The following VTI1A variants were observed in gnomAD, a reference collection of about 807,000 sequenced individuals.
VTI1A encodes the protein vesicle transport through interaction with t-SNAREs 1A, also known as vesicle transport through interaction with t-SNAREs homolog 1A.
Under a neutral mutation model 34.9 loss-of-function variants are expected in VTI1A, and 22 were observed. The ratio of observed to expected loss-of-function variants is 0.63; its 90% CI spans 0.45 to 0.90. The LOEUF is 0.90. Ranked by LOEUF, VTI1A falls within the 40% of genes least tolerant of loss-of-function variation. VTI1A has a pLI of 0.00. For missense variants in VTI1A, 268 were observed against 275.6 expected (o/e 0.97, Z 0.20); for synonymous variants, 87 against 97.3 (o/e 0.89, Z 0.62).
chr10:112,582,489 T>G (rs974923789), intron 5 of VTI1A, among the ~76,000 whole-genome samples: 8 of 152,138 alleles, frequency 5.3e-5, no homozygotes, highest in African/African-American at 1.9e-4. Flanking sequence ...CCATCTCTGG[T>G]CATCTTGCTT....
intron 5 of VTI1A, among the ~76,000 whole-genome samples, chr10:112,553,750 GT>G (rs1333166327): frequency 6.6e-6 from 1 of 152,206 alleles, no homozygotes; most frequent in Non-Finnish European, 1.5e-5. Flanking sequence ...GTGTTCCACT[GT>G]CAAGAACAGT....
intron 5 of VTI1A, among the ~76,000 whole-genome samples, chr10:112,543,016 T>C (rs1850927222): frequency 6.6e-6 from 1 of 152,228 alleles, no homozygotes; most frequent in South Asian, 2.1e-4. Context: ...CTCCTCCTTT[T>C]TTATGGCTGC....
chr10:112,559,076 C>T (rs1851631402), intron 5 of VTI1A, among the ~76,000 whole-genome samples: 1 of 152,136 alleles, frequency 6.6e-6, no homozygotes, highest in African/African-American at 2.4e-5. Flanking sequence ...TCAGATCCAC[C>T]ATCAGCTTAG....
chr10:112,756,873 C>G (rs1019290984), intron 7 of VTI1A, among the ~76,000 whole-genome samples: 3 of 151,838 alleles, frequency 2.0e-5, no homozygotes, highest in African/African-American at 7.3e-5. Context: ...ATGGCAAAAC[C>G]CTGTCTCTAC....
At chr10:112,573,280 C>G (rs547550799) in intron 5 of VTI1A, among the ~76,000 whole-genome samples, 1 of 152,232 alleles carries the variant, frequency 6.6e-6, no homozygotes, top group African/African-American at 2.4e-5. Context: ...GCTCTATTAT[C>G]CGAAATAAAC....
At chr10:112,448,056 A>G (rs1450966960) in intron 1 of VTI1A, among the ~76,000 whole-genome samples, 1 of 152,144 alleles carries the variant, frequency 6.6e-6, no homozygotes, top group Non-Finnish European at 1.5e-5. Flanking sequence ...ATAAAATAAA[A>G]GTTGTGCCTC....
intron 7 of VTI1A, among the ~76,000 whole-genome samples, chr10:112,748,109 G>A (rs1005843333): frequency 1.3e-5 from 2 of 152,104 alleles, no homozygotes; most frequent in Non-Finnish European, 2.9e-5. Context: ...GCTAATCTTG[G>A]TGGAGCCAGC....
chr10:112,757,458 C>A (rs1450380770), intron 7 of VTI1A, among the ~76,000 whole-genome samples: 1 of 149,932 alleles, frequency 6.7e-6, no homozygotes, highest in Non-Finnish European at 1.5e-5. Context: ...CCTCCGCCTC[C>A]CAGCTTCAAG....
chr10:112,716,620 A>G (rs1849621823), intron 7 of VTI1A, among the ~76,000 whole-genome samples: 1 of 152,120 alleles, frequency 6.6e-6, no homozygotes. Context: ...CAGGAGCTAC[A>G]GATTGACCAT....
At chr10:112,731,248 C>A (rs1051476640) in intron 7 of VTI1A, among the ~76,000 whole-genome samples, 1 of 152,072 alleles carries the variant, frequency 6.6e-6, no homozygotes, top group Non-Finnish European at 1.5e-5. Flanking sequence ...TTTCTTGAAA[C>A]CACCATGTAG....
intron 7 of VTI1A, among the ~76,000 whole-genome samples, chr10:112,747,646 CA>C (rs1166272422): frequency 6.6e-6 from 1 of 152,134 alleles, no homozygotes; most frequent in Non-Finnish European, 1.5e-5. Flanking sequence ...GGTAAGGGAG[CA>C]AAATAAATAT....
chr10:112,798,066 G>T (rs1376639574), intron 7 of VTI1A, among the ~76,000 whole-genome samples: 1 of 152,080 alleles, frequency 6.6e-6, no homozygotes, highest in Non-Finnish European at 1.5e-5. Context: ...AGGCTCCAAA[G>T]CTTCCTTCCA....
chr10:112,848,475 G>A, the VTI1A span, among the ~76,000 whole-genome samples: 1 of 152,216 alleles, frequency 6.6e-6, no homozygotes, highest in African/African-American at 2.4e-5. Context: ...AGACCTTGGA[G>A]AGCAGAGAAA....
At chr10:112,665,168 A>G (rs1423166140) in intron 5 of VTI1A, among the ~76,000 whole-genome samples, 3 of 152,192 alleles carry the variant, frequency 2.0e-5, no homozygotes, top group Admixed American at 1.3e-4. Context: ...ATTCAAGAAA[A>G]ATAAACCTAA....
intron 5 of VTI1A, among the ~76,000 whole-genome samples, chr10:112,561,194 TG>T (rs1190600508): frequency 6.6e-6 from 1 of 152,216 alleles, no homozygotes; most frequent in Non-Finnish European, 1.5e-5. Flanking sequence ...AAGCATTTGG[TG>T]GTAAAGATTT....
Position 112,613,893 on chromosome 10 carries a change from A to G in VTI1A, c.428-54325A>G, listed in dbSNP as rs1276683635. Among the ~76,000 whole-genome samples, 5 of 152,276 alleles carry G rather than the reference A, an allele frequency of 3.3e-5. No homozygotes were observed. In the South Asian group the frequency reaches 8.3e-4, roughly 25 times the overall value. On this transcript the variant is annotated intron_variant, in intron 5 of 7. Transcript: ENST00000393077. ...GTCTGTCATGCGTCAGCCTCAATTAAGCTCATATTGCTGTGCTTGGGAAAC... is the reference window on the plus strand; with the variant it reads ...GTCTGTCATGCGTCAGCCTCAATTAGGCTCATATTGCTGTGCTTGGGAAAC...
chr10:112,643,467 A>G (rs1846659207), intron 5 of VTI1A, among the ~76,000 whole-genome samples: 1 of 152,218 alleles, frequency 6.6e-6, no homozygotes, highest in African/African-American at 2.4e-5. Context: ...TTCATAAAGC[A>G]AGGTGATTAT....
At chr10:112,576,798 A>G (rs1277954385) in intron 5 of VTI1A, among the ~76,000 whole-genome samples, 1 of 152,190 alleles carries the variant, frequency 6.6e-6, no homozygotes, top group Non-Finnish European at 1.5e-5. Context: ...TATTTTTCAA[A>G]TTTTGTTATC....
chr10:112,781,896 C>G (rs556442496), intron 7 of VTI1A, among the ~76,000 whole-genome samples: 9 of 152,084 alleles, frequency 5.9e-5, no homozygotes, highest in Non-Finnish European at 1.2e-4. Context: ...GCACTGTGGT[C>G]CGAGGCTCTT....
Sources: allele counts gnomAD v4.1 joint callset (sites outside exome capture counted in the v4.1 genomes callset), GRCh38; gene constraint gnomAD v4.1.1; transcripts MANE v1.5; gene names NCBI Gene and HGNC (gene_info 2026-07-23, HGNC 2026-07-21).